The following MAPK10 variants were observed in gnomAD, a reference collection of about 807,000 sequenced individuals.
MAPK10 encodes the protein mitogen-activated protein kinase 10, also known as JNK3 alpha protein kinase.
In MAPK10, 25 loss-of-function variants were observed where a neutral mutation model predicts 59.3. The observed-to-expected ratio is 0.42, with a 90% CI of 0.31 to 0.59. MAPK10 has a LOEUF of 0.59. MAPK10 is among the 20% of genes least tolerant of loss of function. The probability of loss-of-function intolerance (pLI) is 0.15; values close to 1 mark genes in which losing one functional copy is unlikely to be tolerated. For synonymous variants in MAPK10, 190 were observed against 200.5 expected, an observed-to-expected ratio of 0.95 and a Z score of 0.44; for missense variants, 351 against 568.9, an observed-to-expected ratio of 0.62 and a Z score of 3.90.
intron 2 of MAPK10, among the ~76,000 whole-genome samples, chr4:86,263,307 T>C (rs1024785444): frequency 6.6e-6 from 1 of 152,236 alleles, no homozygotes; most frequent in African/African-American, 2.4e-5. Flanking sequence ...GAATACCTTT[T>C]CTTTAGCTAT....
chr4:86,020,336 T>C (rs1345362005), intron 13 of MAPK10: 2 of 152,242 alleles, frequency 1.3e-5, no homozygotes, highest in Non-Finnish European at 2.9e-5. Flanking sequence ...TTGATAGGCA[T>C]TTGATGGATA....
chr4:86,188,151 A>C (rs1216129588), intron 3 of MAPK10, among the ~76,000 whole-genome samples: 1 of 152,016 alleles, frequency 6.6e-6, no homozygotes, highest in Non-Finnish European at 1.5e-5. Flanking sequence ...TCTATTACTG[A>C]TGGGCATTTG....
chr4:86,366,616 G>C (rs1360592704), intron 1 of MAPK10, among the ~76,000 whole-genome samples: 1 of 152,072 alleles, frequency 6.6e-6, no homozygotes, highest in African/African-American at 2.4e-5. Flanking sequence ...ACAATTGATG[G>C]AGATTTACAT....
intron 2 of MAPK10, among the ~76,000 whole-genome samples, chr4:86,250,000 T>C (rs552348618): frequency 1.6e-4 from 25 of 152,230 alleles, no homozygotes; most frequent in Admixed American, 1.5e-3. Context: ...GGGGAAATCA[T>C]ATGAAGTAAG....
chr4:86,333,598 C>A (rs7690384), intron 2 of MAPK10, among the ~76,000 whole-genome samples: 108,685 of 151,986 alleles, frequency 0.72, 39,769 homozygotes, highest in South Asian at 0.9. Flanking sequence ...CTGATAACTC[C>A]CTCTCTTCCC....
chr4:86,330,256 T>C (rs1578353800), intron 2 of MAPK10, among the ~76,000 whole-genome samples: 1 of 152,246 alleles, frequency 6.6e-6, no homozygotes, highest in South Asian at 2.1e-4. Context: ...GCTAGTTTTA[T>C]GAACTTCTCA....
At chr4:86,178,784 C>G (rs181628127) in intron 3 of MAPK10, among the ~76,000 whole-genome samples, 16 of 152,198 alleles carry the variant, frequency 1.1e-4, no homozygotes, top group Non-Finnish European at 1.6e-4. Flanking sequence ...ATAGAAAAAC[C>G]TAAAGACTCT....
intron 4 of MAPK10, among the ~76,000 whole-genome samples, chr4:86,143,377 C>G (rs1017850294): frequency 6.6e-6 from 1 of 152,112 alleles, no homozygotes; most frequent in African/African-American, 2.4e-5. Flanking sequence ...TGCTTTTTTT[C>G]TCTTTCCATA....
At chr4:86,165,664 A>G (rs75902652) in intron 3 of MAPK10, among the ~76,000 whole-genome samples, 12,263 of 144,418 alleles carry the variant, frequency 0.085, 1,187 homozygotes, top group African/African-American at 0.24. Context: ...GCCTTCCAAA[A>G]TGCTGATATT....
intron 11 of MAPK10, among the ~76,000 whole-genome samples, chr4:86,054,928 A>C (rs557774125): frequency 8.1e-4 from 123 of 152,256 alleles, no homozygotes; most frequent in Admixed American, 1.8e-3. Context: ...CAGTTTATTA[A>C]CTCCATGTGA....
intron 9 of MAPK10, chr4:86,079,833 T>G (rs1016509522): frequency 8.4e-6 from 1 of 119,082 alleles, no homozygotes; most frequent in African/African-American, 3.6e-5. Flanking sequence ...CAAGCTTATA[T>G]GAGGTAAGAA....
intron 3 of MAPK10, among the ~76,000 whole-genome samples, chr4:86,176,532 C>A (rs1006782345): frequency 1.3e-5 from 2 of 152,054 alleles, no homozygotes; most frequent in Admixed American, 6.6e-5. Flanking sequence ...TGAACCAATA[C>A]AGAAAAGTTA....
chr4:86,207,676 T>A (rs1318073140), intron 2 of MAPK10, among the ~76,000 whole-genome samples: 1 of 152,146 alleles, frequency 6.6e-6, no homozygotes, highest in Non-Finnish European at 1.5e-5. Context: ...TTCCTACCCA[T>A]GAGCATGGAA....
At chr4:86,225,771 G>A (rs542471214) in intron 2 of MAPK10, among the ~76,000 whole-genome samples, 1 of 152,284 alleles carries the variant, frequency 6.6e-6, no homozygotes, top group Non-Finnish European at 1.5e-5. Flanking sequence ...GCATTTAAGA[G>A]TAATAGGGAA....
chr4:86,443,040 C>A (rs949183577), intron 1 of MAPK10, among the ~76,000 whole-genome samples: 6 of 152,146 alleles, frequency 3.9e-5, no homozygotes, highest in African/African-American at 1.4e-4. Context: ...AGAACCACAA[C>A]TTCCCTGAGC....
intron 3 of MAPK10, among the ~76,000 whole-genome samples, chr4:86,165,086 C>G (rs114274119): frequency 6.6e-6 from 1 of 152,138 alleles, no homozygotes; most frequent in Non-Finnish European, 1.5e-5. Context: ...GAAATATTAA[C>G]CACAAAGTGC....
At chr4:86,547,888 A>G (rs1578076168) in intron 1 of MAPK10, among the ~76,000 whole-genome samples, 1 of 152,176 alleles carries the variant, frequency 6.6e-6, no homozygotes, top group African/African-American at 2.4e-5. Flanking sequence ...GGGGCCTTAG[A>G]GAACCTTTAT....
chr4:86,338,418 C>T (rs768368803), intron 2 of MAPK10, among the ~76,000 whole-genome samples: 6 of 152,126 alleles, frequency 3.9e-5, no homozygotes, highest in Non-Finnish European at 8.8e-5. Flanking sequence ...TCTGTAAGTT[C>T]CCCTAATAAG....
rs1714800337 is a variant in MAPK10, at chr4:86,266,324, T to C, written c.-6-71917A>G. Among the ~76,000 whole-genome samples the C allele has an allele frequency of 2.6e-5, 4 of 152,208 alleles. 1 individual carries two copies. The South Asian group carries it at 8.3e-4, about 31-fold the overall frequency. On this transcript the variant is annotated intron_variant, in intron 2 of 13. Transcript: ENST00000641462. ...ATACTTGCCTACTACTTAATAGCTG[T>C]ATGACCTCGGCATACAGACAGTTAT...
Sources: gnomAD v4.1 joint callset for allele counts (sites outside exome capture counted in the v4.1 genomes callset) on GRCh38, gnomAD v4.1.1 for gene constraint, MANE v1.5 for transcripts, NCBI Gene and HGNC (gene_info 2026-07-23, HGNC 2026-07-21) for gene names.